The following TMEM45B variants were observed in gnomAD, a reference collection of about 807,000 sequenced individuals.
TMEM45B encodes transmembrane protein 45B.
In TMEM45B, 29 loss-of-function variants were observed where a neutral mutation model predicts 27.3. The observed-to-expected ratio is 1.06, with a 90% CI of 0.79 to 1.45. The LOEUF is 1.45. TMEM45B is among the 40% of genes most tolerant of loss of function. TMEM45B has a pLI of 0.00. For missense variants in TMEM45B, 348 were observed against 343.9 expected, an observed-to-expected ratio of 1.01 and a Z score of -0.09; for synonymous variants, 143 against 134.7, an observed-to-expected ratio of 1.06 and a Z score of -0.43.
chr11:129,848,189 C>G (rs2135592520), intron 1 of TMEM45B, among the ~76,000 whole-genome samples: 1 of 151,746 alleles, frequency 6.6e-6, no homozygotes, highest in African/African-American at 2.4e-5. Flanking sequence ...AGGTTGTAGC[C>G]GAGATCACGC....
intron 1 of TMEM45B, among the ~76,000 whole-genome samples, chr11:129,818,146 A>C (rs1947374642): frequency 6.6e-6 from 1 of 152,224 alleles, no homozygotes. Flanking sequence ...TCTTTTAACC[A>C]GCTACCCCTC....
Position 129,823,286 on chromosome 11 carries a change from CT to C in TMEM45B, c.-9+7389del, listed in dbSNP as rs537895368. Reference sequence around the variant, plus strand: ...CAGATTCATGTTTTTTATTTTTTTCCTGGGAAAGTTTTAGATCACGTGAAGG... The same window carrying C: ...CAGATTCATGTTTTTTATTTTTTTCCGGGAAAGTTTTAGATCACGTGAAGG... On this transcript the variant is annotated intron_variant, in intron 1 of 5. Transcript: ENST00000281441. Among the ~76,000 whole-genome samples, 426 of 152,114 alleles carry C rather than the reference CT, an allele frequency of 2.8e-3. 5 individuals are homozygous for C. Among genetic ancestry groups the C allele is most frequent in the African/African-American group, 9.8e-3 (408 of 41,500 alleles).
chr11:129,817,246 G>A (rs1947364088), intron 1 of TMEM45B, among the ~76,000 whole-genome samples: 1 of 152,150 alleles, frequency 6.6e-6, no homozygotes, highest in African/African-American at 2.4e-5. Flanking sequence ...TTTTTAACCA[G>A]ATGTGTAATA....
At chr11:129,838,968 A>T (rs761110083) in intron 1 of TMEM45B, among the ~76,000 whole-genome samples, 13 of 151,938 alleles carry the variant, frequency 8.6e-5, no homozygotes, top group Admixed American at 2.6e-4. Context: ...ATCAACCATA[A>T]TTTCTCCTTT....
At chr11:129,832,802 T>C (rs556636813) in intron 1 of TMEM45B, among the ~76,000 whole-genome samples, 1 of 152,122 alleles carries the variant, frequency 6.6e-6, no homozygotes, top group Non-Finnish European at 1.5e-5. Flanking sequence ...AGAACCATCT[T>C]AGGGTGACTT....
chr11:129,858,503 T>C (rs1218510505), intron 5 of TMEM45B, 71 bp from the exon 6 acceptor site: 2 of 1,004,308 alleles, frequency 2.0e-6, no homozygotes, highest in Non-Finnish European at 3.0e-6. Context: ...AATCAGTAGA[T>C]GCCTTCACAT....
chr11:129,831,513 T>C (rs548134281), intron 1 of TMEM45B, among the ~76,000 whole-genome samples: 3 of 152,174 alleles, frequency 2.0e-5, no homozygotes, highest in Non-Finnish European at 4.4e-5. Context: ...CCATTTAAAA[T>C]TTCTAAATTA....
intron 5 of TMEM45B, among the ~76,000 whole-genome samples, 190 bp from the exon 6 acceptor site, chr11:129,858,384 G>A (rs1321399052): frequency 6.6e-6 from 1 of 152,188 alleles, no homozygotes; most frequent in Non-Finnish European, 1.5e-5. Context: ...ATGACATTCA[G>A]TAGTTTCCAC....
chr11:129,829,603 T>A (rs982414712), intron 1 of TMEM45B, among the ~76,000 whole-genome samples: 6 of 152,204 alleles, frequency 3.9e-5, no homozygotes, highest in African/African-American at 1.4e-4. Flanking sequence ...CTCTCAGCCT[T>A]TGCATGTGTT....
At chr11:129,824,972 G>A (rs1195495307) in intron 1 of TMEM45B, among the ~76,000 whole-genome samples, 1 of 152,144 alleles carries the variant, frequency 6.6e-6, no homozygotes, top group Non-Finnish European at 1.5e-5. Flanking sequence ...GGGAGAATTG[G>A]GAGGTGACAC....
At chr11:129,855,604 C>A in intron 3 of TMEM45B, 104 bp from the exon 4 acceptor site, 2 of 1,125,268 alleles carry the variant, frequency 1.8e-6, no homozygotes, top group Non-Finnish European at 2.6e-6. Context: ...TATGTACTAA[C>A]TGCCTAAATG....
rs565224333 is a variant in TMEM45B at position 129,833,527 on chromosome 11, C to T, written c.-9+17629C>T. ...CAGTGACTCACACCCGTAATCCCAG[C>T]ACTTTGGGAGGCTGAGGCGGGTGGA... On this transcript the variant is annotated intron_variant, in intron 1 of 5. Coordinates refer to ENST00000281441, the MANE Select transcript of TMEM45B (RefSeq NM_138788.5). 3.8e-4 allele frequency among the ~76,000 whole-genome samples: 58 copies of T among 152,246 alleles called. 1 individual carries two copies. The highest frequency in any genetic ancestry group is 2.1e-3 in the South Asian group (10 of 4,828).
intron 1 of TMEM45B, among the ~76,000 whole-genome samples, chr11:129,818,385 T>C (rs1947377696): frequency 6.6e-6 from 1 of 152,230 alleles, no homozygotes; most frequent in Non-Finnish European, 1.5e-5. Context: ...GACTTAGATA[T>C]CATAAGCCAT....
intron 5 of TMEM45B, among the ~76,000 whole-genome samples, chr11:129,858,324 C>G (rs1026781457): frequency 1.3e-5 from 2 of 152,180 alleles, no homozygotes; most frequent in Admixed American, 6.5e-5. Context: ...AGTTCTCCTG[C>G]CCAGCCACTG....
chr11:129,855,081 T>C (rs1947902598), intron 3 of TMEM45B, among the ~76,000 whole-genome samples: 1 of 152,180 alleles, frequency 6.6e-6, no homozygotes, highest in Admixed American at 6.5e-5. Context: ...CCTCCTCGCC[T>C]TCCCACTGCC....
At chr11:129,826,035 A>G (rs1947474179) in intron 1 of TMEM45B, among the ~76,000 whole-genome samples, 1 of 150,866 alleles carries the variant, frequency 6.6e-6, no homozygotes, top group African/African-American at 2.4e-5. Flanking sequence ...TTTGAAGTCC[A>G]GAGATGTCCT....
At chr11:129,831,087 G>T (rs921951415) in intron 1 of TMEM45B, among the ~76,000 whole-genome samples, 1 of 151,950 alleles carries the variant, frequency 6.6e-6, no homozygotes, top group African/African-American at 2.4e-5. Flanking sequence ...ATATAAATTA[G>T]GTATAGTAAG....
In TMEM45B at chr11:129,858,712, C is replaced by G; in HGVS notation, c.*27C>G. On this transcript the variant is annotated 3_prime_UTR_variant, in exon 6 of 6. Transcript: ENST00000281441. ...CCGAGATGCGGAGGGCGCAGATGTC[C>G]CACTGCACAGCTGGAATGAATGGAG... is the stretch of plus-strand genomic sequence containing the variant. The G allele has an allele frequency of 6.7e-7, 1 of 1,490,348 alleles. No homozygotes were observed. Among genetic ancestry groups the G allele is most frequent in the Non-Finnish European group, 9.2e-7 (1 of 1,092,536 alleles). The allele number at this position is 1,490,348 out of a possible 1,614,324, so 92.3% of individuals were successfully genotyped here.
At chr11:129,854,529 C>A in intron 2 of TMEM45B, 81 bp from the exon 3 acceptor site, 1 of 1,443,732 alleles carries the variant, frequency 6.9e-7, no homozygotes, top group Non-Finnish European at 9.6e-7. Flanking sequence ...CCGCTTCGCT[C>A]ATGCCTTTGG....
Sources: gnomAD v4.1 joint callset for allele counts (sites outside exome capture counted in the v4.1 genomes callset) on GRCh38, gnomAD v4.1.1 for gene constraint, MANE v1.5 for transcripts, NCBI Gene and HGNC (gene_info 2026-07-23, HGNC 2026-07-21) for gene names.